DIP2C: variants seen among roughly 807,000 people sequenced by gnomAD.
The protein encoded by DIP2C is DIP2 acetate--CoA ligase C (putative).
Under a neutral mutation model 192.4 loss-of-function variants are expected in DIP2C, and 33 were observed. The ratio of observed to expected loss-of-function variants is 0.17; its 90% CI spans 0.13 to 0.23. DIP2C has a LOEUF of 0.23. DIP2C is among the 10% of genes least tolerant of loss of function. The probability of loss-of-function intolerance (pLI) is 1.00; values close to 1 mark genes in which losing one functional copy is unlikely to be tolerated. For synonymous variants in DIP2C, 979 were observed against 864.1 expected (o/e 1.13, Z -2.33); for missense variants, 1,537 against 2,110.1 (o/e 0.73, Z 5.32).
intron 1 of DIP2C, among the ~76,000 whole-genome samples, chr10:529,959 C>G (rs935039667): frequency 6.6e-6 from 1 of 152,222 alleles, no homozygotes; most frequent in Non-Finnish European, 1.5e-5. Flanking sequence ...ATTCCTAATT[C>G]GCCACCACGT....
chr10:518,233 G>T (rs1459572740), intron 1 of DIP2C, among the ~76,000 whole-genome samples: 1 of 152,234 alleles, frequency 6.6e-6, no homozygotes, highest in Non-Finnish European at 1.5e-5. Context: ...CAAGCTTCTG[G>T]CAACACCACC....
intron 29 of DIP2C, among the ~76,000 whole-genome samples, chr10:332,194 C>A (rs1957537854): frequency 6.6e-6 from 1 of 152,156 alleles, no homozygotes; most frequent in Non-Finnish European, 1.5e-5. Flanking sequence ...TCAAGCAATC[C>A]TCCTGCCTCG....
intron 2 of DIP2C, among the ~76,000 whole-genome samples, chr10:485,502 C>G (rs1222368132): frequency 6.6e-6 from 1 of 152,182 alleles, no homozygotes. Flanking sequence ...ATCACTGTCT[C>G]AAAAATCAAG....
intron 18 of DIP2C, among the ~76,000 whole-genome samples, chr10:368,050 CG>C (rs1960496467): frequency 0.013 from 4 of 304 alleles, 2 homozygotes; most frequent in African/African-American, 0.045. Context: ...GGGAAGCCCG[CG>C]GTTGCTCTCA....
chr10:339,599 G>A (rs186181198), intron 29 of DIP2C, among the ~76,000 whole-genome samples: 5 of 152,204 alleles, frequency 3.3e-5, no homozygotes, highest in African/African-American at 9.6e-5. Context: ...AATGAAATAC[G>A]GTCACCCTAC....
chr10:475,915 G>A (rs1056984080), intron 2 of DIP2C, among the ~76,000 whole-genome samples: 8 of 152,200 alleles, frequency 5.3e-5, no homozygotes, highest in Admixed American at 6.5e-5. Context: ...AAGCATGGCT[G>A]CTGGAACAGA....
chr10:532,679 ATGGGTG>A (rs1407205357), intron 1 of DIP2C, among the ~76,000 whole-genome samples: 2 of 59,034 alleles, frequency 3.4e-5, no homozygotes, highest in African/African-American at 1.8e-4. Flanking sequence ...GAGAGAGAGT[ATGGGTG>A]TGAGAGAGTA....
intron 1 of DIP2C, among the ~76,000 whole-genome samples, chr10:621,854 G>C (rs1853871645): frequency 6.6e-6 from 1 of 152,196 alleles, no homozygotes; most frequent in African/African-American, 2.4e-5. Flanking sequence ...CTTCCGGAGA[G>C]GATGTCATTC....
At chr10:580,633 A>G (rs998775892) in intron 1 of DIP2C, among the ~76,000 whole-genome samples, 1 of 152,252 alleles carries the variant, frequency 6.6e-6, no homozygotes, top group Admixed American at 6.5e-5. Flanking sequence ...TAGTACGCAT[A>G]CACCACATAC....
chr10:382,836 G>C (rs1166632252), intron 16 of DIP2C, 75 bp from the exon 17 acceptor site: 1 of 1,082,282 alleles, frequency 9.2e-7, no homozygotes, highest in Admixed American at 2.7e-5. Context: ...ATAGAAAATA[G>C]TTCCGAAGGT....
intron 1 of DIP2C, among the ~76,000 whole-genome samples, chr10:670,251 C>G (rs1019390946): frequency 6.6e-6 from 1 of 151,700 alleles, no homozygotes; most frequent in Non-Finnish European, 1.5e-5. Flanking sequence ...TATGCACACA[C>G]GTACATGCAC....
At chr10:423,644 T>G (rs1423607425) in intron 4 of DIP2C, among the ~76,000 whole-genome samples, 1 of 152,208 alleles carries the variant, frequency 6.6e-6, no homozygotes, top group Non-Finnish European at 1.5e-5. Flanking sequence ...TATTTCTACA[T>G]TGGTGTGTTA....
intron 32 of DIP2C, among the ~76,000 whole-genome samples, chr10:307,308 G>A (rs895201360): frequency 6.6e-6 from 1 of 152,244 alleles, no homozygotes; most frequent in Non-Finnish European, 1.5e-5. Context: ...GCTGACTTCT[G>A]ACCTGTGTGA....
rs571067336 is a variant in DIP2C at position 616,423 on chromosome 10, TTTC to T, written c.85+73068_85+73070del. Among the ~76,000 whole-genome samples the T allele has an allele frequency of 2.8e-4, 43 of 152,300 alleles. 1 individual carries two copies. The East Asian group carries it at 3.9e-3, about 14-fold the overall frequency. The stretch of plus-strand genomic sequence containing the variant: ...TTAATTTGCTTTGTTCATAAAAGAT[TTTC>T]TTATTTTAGGAATTTTTAAATCCAT... On this transcript the variant is annotated intron_variant, in intron 1 of 36. Transcript: ENST00000280886.
chr10:464,648 T>C (rs948230055), intron 3 of DIP2C, among the ~76,000 whole-genome samples: 1 of 152,222 alleles, frequency 6.6e-6, no homozygotes, highest in Non-Finnish European at 1.5e-5. Flanking sequence ...CAAAGGATTA[T>C]AAATCATGAT....
At chr10:606,947 G>A (rs1342200616) in intron 1 of DIP2C, among the ~76,000 whole-genome samples, 4 of 152,220 alleles carry the variant, frequency 2.6e-5, no homozygotes, top group Admixed American at 2.6e-4. Flanking sequence ...TAGGCAGCCA[G>A]GACGCACACC....
intron 1 of DIP2C, among the ~76,000 whole-genome samples, chr10:567,633 CAT>C (rs1239168247): frequency 5.3e-5 from 8 of 152,184 alleles, no homozygotes; most frequent in South Asian, 2.1e-4. Context: ...GTCAGCATGA[CAT>C]AGAAAAGTTT....
chr10:421,728 GAAA>G (rs1966195175), intron 5 of DIP2C, among the ~76,000 whole-genome samples: 1 of 152,094 alleles, frequency 6.6e-6, no homozygotes. Context: ...TTCTGAGAGA[GAAA>G]AAAGAAATGG....
intron 1 of DIP2C, among the ~76,000 whole-genome samples, chr10:588,397 T>TA (rs1851209123): frequency 6.6e-6 from 1 of 152,198 alleles, no homozygotes; most frequent in Non-Finnish European, 1.5e-5. Flanking sequence ...ACTGTCTTGT[T>TA]AAATTGGGAG....
Sources: allele counts gnomAD v4.1 joint callset (sites outside exome capture counted in the v4.1 genomes callset), GRCh38; gene constraint gnomAD v4.1.1; transcripts MANE v1.5; gene names NCBI Gene and HGNC (gene_info 2026-07-23, HGNC 2026-07-21).